Variants in XKR4 observed in about 807,000 individuals in gnomAD.
XKR4 encodes XK-related protein 4.
Under a neutral mutation model 53.9 loss-of-function variants are expected in XKR4, and 12 were observed. The observed-to-expected ratio is 0.22, with a 90% CI of 0.14 to 0.36. The LOEUF is 0.36. Ranked by LOEUF, XKR4 falls within the 10% of genes least tolerant of loss-of-function variation. The probability of loss-of-function intolerance (pLI) is 1.00; values close to 1 mark genes in which losing one functional copy is unlikely to be tolerated. For missense variants in XKR4, 799 were observed against 859.5 expected (o/e 0.93, Z 0.88); for synonymous variants, 354 against 362.4 (o/e 0.98, Z 0.26).
In XKR4 at chr8:55,151,021, A is replaced by G. The variant is rs571754986; in HGVS notation, c.806+47727A>G. Reference sequence around the variant, plus strand: ...TGGAAATCCATCTCTAATTTTGGCAATTACTCAACTTGCACTCAGTATTTA... The same window carrying G: ...TGGAAATCCATCTCTAATTTTGGCAGTTACTCAACTTGCACTCAGTATTTA... On this transcript the variant is annotated intron_variant, in intron 1 of 2. Transcript: ENST00000327381. Among the ~76,000 whole-genome samples, 4 of 152,308 alleles carry G rather than the reference A, an allele frequency of 2.6e-5. No homozygotes were observed. The South Asian group carries it at 8.3e-4, about 32-fold the overall frequency.
intron 1 of XKR4, among the ~76,000 whole-genome samples, chr8:55,319,853 G>T (rs1423738545): frequency 1.3e-5 from 2 of 152,194 alleles, no homozygotes; most frequent in African/African-American, 4.8e-5. Context: ...GGCAGTGGTA[G>T]AAATGAAATT....
chr8:55,389,757 G>T (rs1472559799), intron 2 of XKR4, among the ~76,000 whole-genome samples: 2 of 152,136 alleles, frequency 1.3e-5, no homozygotes, highest in Non-Finnish European at 2.9e-5. Context: ...AACATCTGTG[G>T]AAATGAAGTG....
Position 55,103,023 on chromosome 8 carries a change from G to A in XKR4, c.535G>A (p.Ala179Thr). ...HDFSTEDSAT[A>T]AAASSCPQPG... is the part of the protein sequence containing the mutation. ...TTTCAGCACCGAGGACAGCGCCACG[G>A]CCGCTGCTGCCTCCAGCTGCCCGCA... Residue 179 changes from alanine (A) to threonine (T), a missense_variant, in exon 1 of 3, where the codon GCC becomes ACC. By Grantham distance (58) the Ala-to-Thr change is moderately conservative. Coordinates refer to ENST00000327381, the MANE Select transcript of XKR4 (RefSeq NM_052898.2). The A allele has an allele frequency of 3.1e-6, 5 of 1,612,406 alleles. No individual in the cohort carries two copies. The highest frequency in any genetic ancestry group is 1.1e-5 in the South Asian group (1 of 91,042).
At chr8:55,130,116 C>T (rs899211997) in intron 1 of XKR4, among the ~76,000 whole-genome samples, 8 of 152,138 alleles carry the variant, frequency 5.3e-5, no homozygotes, top group Non-Finnish European at 1.5e-5. Flanking sequence ...CTCCAATCAG[C>T]TGTTTTGATA....
chr8:55,362,217 G>A (rs370469880), intron 2 of XKR4, among the ~76,000 whole-genome samples: 41 of 152,258 alleles, frequency 2.7e-4, no homozygotes, highest in Middle Eastern at 6.8e-3. Flanking sequence ...GGTCTCAGGT[G>A]GGGCCTGAGT....
chr8:55,454,298 G>T (rs371267111), intron 2 of XKR4: 2 of 1,439,716 alleles, frequency 1.4e-6, no homozygotes, highest in East Asian at 2.3e-5. Context: ...CTGGAAGGCC[G>T]CATTGACCCC....
intron 2 of XKR4, among the ~76,000 whole-genome samples, chr8:55,506,784 G>A (rs1806531167): frequency 6.6e-6 from 1 of 152,194 alleles, no homozygotes; most frequent in Admixed American, 6.5e-5. Context: ...TTCTGATGAA[G>A]TATATAATGC....
intron 2 of XKR4, among the ~76,000 whole-genome samples, chr8:55,512,011 A>G (rs940838263): frequency 2.2e-4 from 33 of 152,172 alleles, no homozygotes; most frequent in African/African-American, 7.7e-4. Context: ...AATTATATTT[A>G]TAGAGAAGCT....
intron 2 of XKR4, chr8:55,450,869 G>T: frequency 2.1e-6 from 1 of 472,700 alleles, no homozygotes. Flanking sequence ...GAGTCCAGGA[G>T]CTCCCCCCTC....
chr8:55,175,980 T>TATTAATATCCATAA (rs1395315245), intron 1 of XKR4, among the ~76,000 whole-genome samples: 2 of 152,158 alleles, frequency 1.3e-5, no homozygotes, highest in African/African-American at 4.8e-5. Context: ...AGAATGAAAA[T>TATTAATATCCATAA]ATTAATATCC....
intron 1 of XKR4, among the ~76,000 whole-genome samples, chr8:55,321,411 A>G (rs1342491924): frequency 2.0e-5 from 3 of 152,280 alleles, no homozygotes; most frequent in East Asian, 3.9e-4. Context: ...CTTTCTGCTC[A>G]GCCTACCCCT....
chr8:55,357,681 T>C lies in XKR4; in HGVS notation c.810T>C (p.Tyr270=). 2 of 1,614,132 alleles carry C rather than the reference T, an allele frequency of 1.2e-6. No individual in the cohort carries two copies. The highest frequency in any genetic ancestry group is 8.5e-7 in the Non-Finnish European group (1 of 1,179,958). Reference sequence around the variant, plus strand: ...ATTCTCCATGTTTTCTTTCTAGATATTTCCACACAATATACTTAGGTATTC... The same window carrying C: ...ATTCTCCATGTTTTCTTTCTAGATACTTCCACACAATATACTTAGGTATTC... The part of the protein sequence containing the change: ...HILQLGQIWR[Y]FHTIYLGIRS... Residue 270 remains tyrosine, a synonymous_variant, in exon 2 of 3, where the codon TAT becomes TAC. Coordinates refer to ENST00000327381, the MANE Select transcript of XKR4 (RefSeq NM_052898.2).
At chr8:55,387,091 G>A (rs1804330184) in intron 2 of XKR4, among the ~76,000 whole-genome samples, 1 of 152,192 alleles carries the variant, frequency 6.6e-6, no homozygotes, top group African/African-American at 2.4e-5. Flanking sequence ...CGCTTCTGTA[G>A]TATCACACCT....
chr8:55,523,901 A>G lies in XKR4; in HGVS notation c.1627A>G (p.Thr543Ala). 6.2e-7 allele frequency: 1 copy of G among 1,614,204 alleles called. No individual in the cohort carries two copies. The highest frequency in any genetic ancestry group is 8.5e-7 in the Non-Finnish European group (1 of 1,180,016). ...CTTCACTTTGCCCCCAGACGTGGCC[A>G]CAAGCACCCTACGGTCCATCTCCAA... The part of the protein sequence containing the change: ...AAFTLPPDVA[T>A]STLRSISNNR... Residue 543 changes from threonine to alanine, a missense_variant, in exon 3 of 3, where the codon ACA becomes GCA. By Grantham distance (58) the Thr-to-Ala change is moderately conservative (BLOSUM62 0). Coordinates refer to ENST00000327381, the MANE Select transcript of XKR4 (RefSeq NM_052898.2).
chr8:55,452,282 G>A, intron 2 of XKR4: 2 of 651,624 alleles, frequency 3.1e-6, no homozygotes, highest in Non-Finnish European at 5.7e-6. Context: ...GGGTCTGGAT[G>A]CTGATGCATT....
At chr8:55,354,529 A>G (rs192832274) in intron 1 of XKR4, among the ~76,000 whole-genome samples, 190 of 152,328 alleles carry the variant, frequency 1.2e-3, no homozygotes, top group African/African-American at 4.4e-3. Context: ...TTACCACTTC[A>G]TGAGAACACC....
In XKR4 at chr8:55,307,922, T is replaced by G. The variant is rs1227096272; in HGVS notation, c.807-49756T>G. On this transcript the variant is annotated intron_variant, in intron 1 of 2. Coordinates refer to ENST00000327381, the MANE Select transcript of XKR4 (RefSeq NM_052898.2). ...TGTTATAAAACTAAACTAAATACAGTTATCATATGTATTAGTCCATTCTCA... is the reference window on the plus strand; with the variant it reads ...TGTTATAAAACTAAACTAAATACAGGTATCATATGTATTAGTCCATTCTCA... Among the ~76,000 whole-genome samples the G allele has an allele frequency of 2.6e-5, 4 of 152,206 alleles. No homozygotes were observed. In the East Asian group the frequency reaches 7.7e-4, roughly 29 times the overall value.
intron 1 of XKR4, among the ~76,000 whole-genome samples, chr8:55,150,904 C>T (rs1242155524): frequency 6.6e-6 from 1 of 152,158 alleles, no homozygotes; most frequent in Non-Finnish European, 1.5e-5. Flanking sequence ...CATTTGTCTA[C>T]ATTTATGTCA....
At chr8:55,107,631 A>T (rs1472459811) in intron 1 of XKR4, among the ~76,000 whole-genome samples, 1 of 152,214 alleles carries the variant, frequency 6.6e-6, no homozygotes, top group African/African-American at 2.4e-5. Context: ...AGTTTTAATG[A>T]TTACATGGCA....
Sources: allele counts gnomAD v4.1 joint callset (sites outside exome capture counted in the v4.1 genomes callset), GRCh38; gene constraint gnomAD v4.1.1; transcripts MANE v1.5; gene names NCBI Gene and HGNC (gene_info 2026-07-23, HGNC 2026-07-21).